Variants in PRR16 observed in about 807,000 individuals in gnomAD.
PRR16 encodes the protein proline rich 16, also known as protein Largen.
In PRR16, 6 loss-of-function variants were observed where a neutral mutation model predicts 18.2. The ratio of observed to expected loss-of-function variants is 0.33; its 90% CI spans 0.18 to 0.65. The LOEUF (loss-of-function observed/expected upper bound fraction) is 0.65, where lower values mean the gene tolerates loss of function less well. PRR16 is among the 30% of genes least tolerant of loss of function. The probability of loss-of-function intolerance (pLI) is 0.74; values close to 1 mark genes in which losing one functional copy is unlikely to be tolerated. For synonymous variants in PRR16, 151 were observed against 147.8 expected (o/e 1.02, Z -0.16); for missense variants, 412 against 376.6 (o/e 1.09, Z -0.78).
At chr5:120,609,354 G>C (rs924323156) in intron 1 of PRR16, among the ~76,000 whole-genome samples, 2 of 151,440 alleles carry the variant, frequency 1.3e-5, no homozygotes, top group Non-Finnish European at 2.9e-5. Context: ...AATAAATAAG[G>C]ACTCCCCACT....
At position 120,687,178 on chromosome 5, in the gene PRR16, G is replaced by A. The variant is rs1222639620; in HGVS notation, c.*469G>A. On this transcript the variant is annotated 3_prime_UTR_variant, in exon 2 of 2. Transcript: ENST00000407149. ...CACTAGTTTTTCATTATTAAATGCT[G>A]AGGCCAATACCAAGAAGTTTATTTT... 1 of 152,566 alleles carries A rather than the reference G, an allele frequency of 6.6e-6. No homozygotes were observed. The highest frequency in any genetic ancestry group is 2.4e-5 in the African/African-American group (1 of 41,392). The allele number at this position is 152,566 out of a possible 1,614,324, so 9.5% of individuals were successfully genotyped here. A position where few individuals can be genotyped will look rare whatever the true frequency, so the allele number is the denominator to read the frequency against.
chr5:120,575,506 C>A (rs919814936), intron 1 of PRR16, among the ~76,000 whole-genome samples: 1 of 152,126 alleles, frequency 6.6e-6, no homozygotes, highest in African/African-American at 2.4e-5. Flanking sequence ...ATTCAGCATA[C>A]TCAAACCAAT....
intron 1 of PRR16, among the ~76,000 whole-genome samples, chr5:120,503,787 C>T (rs184142956): frequency 0.011 from 1,673 of 150,348 alleles, 30 homozygotes; most frequent in African/African-American, 0.025. Flanking sequence ...TATCCCTCCC[C>T]GCTCCCCCCA....
At chr5:120,552,206 GCT>G (rs749201746) in intron 1 of PRR16, among the ~76,000 whole-genome samples, 1 of 151,744 alleles carries the variant, frequency 6.6e-6, no homozygotes, top group Non-Finnish European at 1.5e-5. Flanking sequence ...ACCTCCCATG[GCT>G]CTTTTTATTG....
At chr5:120,489,872 G>T (rs1303272401) in intron 1 of PRR16, among the ~76,000 whole-genome samples, 3 of 152,126 alleles carry the variant, frequency 2.0e-5, no homozygotes, top group African/African-American at 4.8e-5. Flanking sequence ...CTCAGCATTT[G>T]CTTGTCTGTA....
At chr5:120,620,463 C>T (rs1754652911) in intron 1 of PRR16, among the ~76,000 whole-genome samples, 1 of 152,124 alleles carries the variant, frequency 6.6e-6, no homozygotes, top group Non-Finnish European at 1.5e-5. Flanking sequence ...TCCTGAGAAG[C>T]ATTCTTTAAC....
intron 1 of PRR16, among the ~76,000 whole-genome samples, chr5:120,530,285 T>TATATATA (rs375750842): frequency 0.016 from 1,296 of 83,558 alleles, 13 homozygotes; most frequent in African/African-American, 0.037. Flanking sequence ...ATATATATAT[T>TATATATA]TATTTATTTA....
intron 1 of PRR16, among the ~76,000 whole-genome samples, chr5:120,517,981 G>A (rs1050713380): frequency 6.6e-6 from 1 of 152,136 alleles, no homozygotes. Flanking sequence ...CTTGGCTGGG[G>A]AAAAAGTTTT....
chr5:120,660,671 C>T (rs547294667), intron 1 of PRR16, among the ~76,000 whole-genome samples: 5 of 152,156 alleles, frequency 3.3e-5, no homozygotes, highest in South Asian at 2.1e-4. Flanking sequence ...AGCCAATCTC[C>T]TCCATCTCCT....
At chr5:120,572,155 T>C (rs1439907617) in intron 1 of PRR16, among the ~76,000 whole-genome samples, 1 of 152,162 alleles carries the variant, frequency 6.6e-6, no homozygotes, top group African/African-American at 2.4e-5. Flanking sequence ...TCATATTGTA[T>C]TGGTCAAAGG....
the PRR16 span, among the ~76,000 whole-genome samples, chr5:120,785,564 T>C: frequency 7.7e-6 from 1 of 129,148 alleles, no homozygotes; most frequent in Non-Finnish European, 1.7e-5. Context: ...TGTGTGTGTT[T>C]TGTTGTTGTT....
intron 1 of PRR16, among the ~76,000 whole-genome samples, chr5:120,641,533 A>G (rs1000388281): frequency 2.6e-5 from 4 of 151,994 alleles, no homozygotes; most frequent in African/African-American, 9.7e-5. Context: ...TTGCATCATC[A>G]CACTGCCCTG....
intron 1 of PRR16, among the ~76,000 whole-genome samples, chr5:120,544,555 C>T (rs1368728022): frequency 3.3e-5 from 5 of 151,974 alleles, no homozygotes; most frequent in African/African-American, 1.2e-4. Context: ...ACACTAAAAC[C>T]AAAACTTTAT....
intron 1 of PRR16, among the ~76,000 whole-genome samples, chr5:120,572,513 C>T (rs1273849981): frequency 6.6e-6 from 1 of 152,046 alleles, no homozygotes; most frequent in African/African-American, 2.4e-5. Context: ...GTTTGAGTTG[C>T]CTGTTCCATT....
chr5:120,612,704 G>A (rs373979036), intron 1 of PRR16, among the ~76,000 whole-genome samples: 20 of 152,090 alleles, frequency 1.3e-4, no homozygotes, highest in South Asian at 1.2e-3. Flanking sequence ...TGTCTTTACC[G>A]GCAGCATGAA....
chr5:120,716,967 T>A, the PRR16 span, among the ~76,000 whole-genome samples: 1 of 152,110 alleles, frequency 6.6e-6, no homozygotes, highest in Admixed American at 6.6e-5. Flanking sequence ...TTCCTTAGCA[T>A]TTAGTCTATA....
chr5:120,556,158 C>T (rs1465406317), intron 1 of PRR16, among the ~76,000 whole-genome samples: 1 of 150,252 alleles, frequency 6.7e-6, no homozygotes, highest in Non-Finnish European at 1.5e-5. Flanking sequence ...CAAAGAGAAA[C>T]TTCAGTAAAC....
intron 1 of PRR16, among the ~76,000 whole-genome samples, chr5:120,467,890 A>G (rs985643555): frequency 6.6e-6 from 1 of 152,138 alleles, no homozygotes; most frequent in Non-Finnish European, 1.5e-5. Context: ...ATAATTCAGT[A>G]TACTTATTGA....
chr5:120,554,999 G>T (rs1752365557), intron 1 of PRR16, among the ~76,000 whole-genome samples: 1 of 151,890 alleles, frequency 6.6e-6, no homozygotes, highest in African/African-American at 2.4e-5. Context: ...TGCTTGCTAG[G>T]TCACTGCTCC....
Sources: allele counts gnomAD v4.1 joint callset (sites outside exome capture counted in the v4.1 genomes callset), GRCh38; gene constraint gnomAD v4.1.1; transcripts MANE v1.5; gene names NCBI Gene and HGNC (gene_info 2026-07-23, HGNC 2026-07-21).